Variants in SYT12 observed in about 807,000 individuals in gnomAD.
SYT12 encodes the protein synaptotagmin 12.
Under a neutral mutation model 39.5 loss-of-function variants are expected in SYT12, and 27 were observed. The ratio of observed to expected loss-of-function variants is 0.68; its 90% CI spans 0.50 to 0.94. The LOEUF (loss-of-function observed/expected upper bound fraction) is 0.94, where lower values mean the gene tolerates loss of function less well. Ranked by LOEUF, SYT12 falls within the 40% of genes least tolerant of loss-of-function variation. The pLI is 0.00. For synonymous variants in SYT12, 233 were observed against 239.7 expected, an observed-to-expected ratio of 0.97 and a Z score of 0.26; for missense variants, 536 against 572.6, an observed-to-expected ratio of 0.94 and a Z score of 0.65.
intron 1 of SYT12, among the ~76,000 whole-genome samples, chr11:67,024,605 G>A (rs907529829): frequency 3.9e-5 from 6 of 152,208 alleles, no homozygotes; most frequent in Non-Finnish European, 5.9e-5. Flanking sequence ...GAGGGCTGCG[G>A]TGCTGAGATA....
At chr11:67,045,723 C>T in intron 6 of SYT12, 21 bp from the exon 7 acceptor site, 1 of 1,611,468 alleles carries the variant, frequency 6.2e-7, no homozygotes, top group Non-Finnish European at 8.5e-7. Flanking sequence ...CACTGGCCCT[C>T]ACCTGTCCGC....
chr11:67,034,608 T>C, intron 2 of SYT12, 37 bp from the exon 3 acceptor site: 6 of 1,553,322 alleles, frequency 3.9e-6, no homozygotes, highest in Non-Finnish European at 5.2e-6. Flanking sequence ...CTGTATCCAC[T>C]AGGAAGCCCT....
chr11:67,045,291 TG>T lies in SYT12; in HGVS notation c.959-445del, dbSNP rs111451083. 5.6e-4 allele frequency among the ~76,000 whole-genome samples: 31 copies of T among 55,734 alleles called. No individual in the cohort carries two copies. In the South Asian group the frequency reaches 0.018, roughly 32 times the overall value. The allele number at this position is 55,734 out of a possible 152,430, so 36.6% of individuals were successfully genotyped here. A position where few individuals can be genotyped will look rare whatever the true frequency, so the allele number is the denominator to read the frequency against. On this transcript the variant is annotated intron_variant, in intron 6 of 7. Transcript: ENST00000527043. The stretch of plus-strand genomic sequence containing the variant: ...TTGCAAGCCTTGGGGCGGGGGTAGG[TG>T]GGGGGGGCAGCTCCAGGCAGGTGCG...
chr11:67,024,830 C>T (rs1230557264), intron 1 of SYT12, among the ~76,000 whole-genome samples: 2 of 152,186 alleles, frequency 1.3e-5, no homozygotes, highest in Admixed American at 1.3e-4. Context: ...AACTCCCGAC[C>T]CTTCCCATTG....
chr11:67,035,821 CCTTCCTTCCTTCCTTCCTTT>C (rs1416269961), intron 3 of SYT12, among the ~76,000 whole-genome samples: 13 of 88,740 alleles, frequency 1.5e-4, no homozygotes, highest in African/African-American at 6.6e-4. Context: ...TTCCTTCCTT[CCTTCCTTCCTTCCTTCCTTT>C]CTTTCTTTCT....
chr11:67,037,363 A>G (rs1313666155), intron 3 of SYT12, among the ~76,000 whole-genome samples: 1 of 152,150 alleles, frequency 6.6e-6, no homozygotes. Flanking sequence ...ACAGTGGGGA[A>G]GAGTAAATTA....
intron 3 of SYT12, among the ~76,000 whole-genome samples, chr11:67,035,426 CT>C (rs1369913501): frequency 2.1e-5 from 3 of 141,058 alleles, no homozygotes; most frequent in Non-Finnish European, 3.1e-5. Flanking sequence ...TTCTTACTTT[CT>C]TTTTTTTCTT....
intron 7 of SYT12, among the ~76,000 whole-genome samples, chr11:67,048,054 G>T (rs1200190920): frequency 6.6e-6 from 1 of 150,614 alleles, no homozygotes. Context: ...GCCTCCCAAA[G>T]TGCTGGGATT....
intron 2 of SYT12, chr11:67,030,504 G>A: frequency 3.1e-6 from 1 of 319,634 alleles, no homozygotes; most frequent in Non-Finnish European, 5.8e-6. Context: ...CACTCACCGA[G>A]GCCTTCTGTG....
intron 3 of SYT12, among the ~76,000 whole-genome samples, chr11:67,035,301 G>A (rs1379781168): frequency 1.3e-5 from 2 of 149,252 alleles, no homozygotes; most frequent in Admixed American, 6.7e-5. Flanking sequence ...CACCTGGCCT[G>A]CTTTTTAACT....
intron 3 of SYT12, among the ~76,000 whole-genome samples, chr11:67,014,655 G>T (rs1950039259): frequency 6.6e-6 from 1 of 152,202 alleles, no homozygotes; most frequent in Non-Finnish European, 1.5e-5. Flanking sequence ...GTGGAGGTAG[G>T]ACTGGGGTGG....
chr11:67,039,682 G>T, intron 3 of SYT12, 129 bp from the exon 4 acceptor site: 2 of 1,142,616 alleles, frequency 1.8e-6, no homozygotes, highest in Non-Finnish European at 2.5e-6. Flanking sequence ...GCTAAGGGAT[G>T]CAGGGCTTCT....
chr11:67,018,690 G>T (rs1202029149), upstream of SYT12, among the ~76,000 whole-genome samples: 1 of 152,112 alleles, frequency 6.6e-6, no homozygotes, highest in Non-Finnish European at 1.5e-5. Context: ...GGGCATGGTG[G>T]TGAGCACCTG....
intron 3 of SYT12, among the ~76,000 whole-genome samples, chr11:67,035,833 C>CTTTCTTTCTTT (rs1950363468): frequency 5.9e-5 from 6 of 102,492 alleles, no homozygotes; most frequent in African/African-American, 2.6e-4. Context: ...TTCCTTCCTT[C>CTTTCTTTCTTT]CTTCCTTTCT....
rs140471238 is a variant in SYT12 at position 67,026,292 on chromosome 11, G to A, written c.-24+2832G>A. Among the ~76,000 whole-genome samples, 41 of 151,782 alleles carry A rather than the reference G, an allele frequency of 2.7e-4. No individual in the cohort carries two copies. The East Asian group carries it at 7.7e-3, about 29-fold the overall frequency. On this transcript the variant is annotated intron_variant, in intron 1 of 7. Coordinates refer to ENST00000527043, the MANE Select transcript of SYT12 (RefSeq NM_177963.4). The stretch of plus-strand genomic sequence containing the variant: ...TTTTCTTTTCTTTCTTTTTTTTTGA[G>A]ATGGAGTTTTGCTCTTGTTGCCCAG...
At position 67,048,566 on chromosome 11, in the gene SYT12, A is replaced by C; in HGVS notation, c.1093-18A>C. 1 of 1,588,134 alleles carries C rather than the reference A, an allele frequency of 6.3e-7. No homozygotes were observed. On this transcript the variant is annotated intron_variant, in intron 7 of 7. Transcript: ENST00000527043. ...TGACTGCCCCTGGTCCTCAGCACCC[A>C]TGTTGCCTCTTCCTCAGGACCTGTC... is the stretch of plus-strand genomic sequence containing the variant.
intron 5 of SYT12, 77 bp from the exon 6 acceptor site, chr11:67,044,516 C>A: frequency 3.9e-6 from 6 of 1,548,854 alleles, no homozygotes; most frequent in Non-Finnish European, 5.2e-6. Context: ...CCAGCCTTTC[C>A]CTGGCAACCA....
intron 2 of SYT12, 142 bp from the exon 3 acceptor site, chr11:67,034,503 T>A: frequency 1.5e-6 from 1 of 678,414 alleles, no homozygotes; most frequent in Non-Finnish European, 2.3e-6. Context: ...AGTGTATGTC[T>A]TGTTCGACAT....
intron 3 of SYT12, among the ~76,000 whole-genome samples, chr11:67,018,114 T>C (rs1221223025): frequency 6.6e-6 from 1 of 151,648 alleles, no homozygotes; most frequent in Non-Finnish European, 1.5e-5. Flanking sequence ...AATACAAAAA[T>C]TAGCCAGGCG....
Sources: gnomAD v4.1 joint callset for allele counts (sites outside exome capture counted in the v4.1 genomes callset) on GRCh38, gnomAD v4.1.1 for gene constraint, MANE v1.5 for transcripts, NCBI Gene and HGNC (gene_info 2026-07-23, HGNC 2026-07-21) for gene names.